The following ADCY2 variants were observed in gnomAD, a reference collection of about 807,000 sequenced individuals.
ADCY2 encodes the protein adenylate cyclase 2, also known as adenylate cyclase type 2.
In ADCY2, 31 loss-of-function variants were observed where a neutral mutation model predicts 125.2. The ratio of observed to expected loss-of-function variants is 0.25; its 90% confidence interval spans 0.19 to 0.33. The LOEUF (loss-of-function observed/expected upper bound fraction) is 0.33, where lower values mean the gene tolerates loss of function less well. Among genes scored for constraint, ADCY2 ranks in the 10% least tolerant of loss-of-function variants. The pLI, the probability that ADCY2 is intolerant of heterozygous loss-of-function variation, is 1.00. For synonymous variants in ADCY2, 512 were observed against 548.4 expected (o/e 0.93, Z 0.93); for missense variants, 904 against 1,418.2 (o/e 0.64, Z 5.82).
intron 4 of ADCY2, among the ~76,000 whole-genome samples, chr5:7,630,384 T>C (rs1738274803): frequency 6.6e-6 from 1 of 152,176 alleles, no homozygotes; most frequent in Non-Finnish European, 1.5e-5. Flanking sequence ...TTTTTCTAGA[T>C]TTGGGCTGCT....
chr5:7,398,855 T>G (rs922510149), intron 1 of ADCY2, among the ~76,000 whole-genome samples: 2 of 152,204 alleles, frequency 1.3e-5, no homozygotes, highest in Middle Eastern at 3.2e-3. Context: ...CCTGTTTCTA[T>G]TTTGATTTTA....
intron 2 of ADCY2, among the ~76,000 whole-genome samples, chr5:7,461,166 G>T (rs530042805): frequency 4.6e-5 from 7 of 152,268 alleles, no homozygotes; most frequent in African/African-American, 1.4e-4. Context: ...TTTTCAAAGA[G>T]ACTTCCAGGA....
intron 4 of ADCY2, among the ~76,000 whole-genome samples, chr5:7,636,091 G>A (rs1738493801): frequency 6.6e-6 from 1 of 152,182 alleles, no homozygotes; most frequent in Admixed American, 6.5e-5. Flanking sequence ...TACCAAGGCA[G>A]CCACTCTCCC....
intron 2 of ADCY2, among the ~76,000 whole-genome samples, chr5:7,495,252 G>A (rs1743305306): frequency 6.6e-6 from 1 of 152,182 alleles, no homozygotes; most frequent in African/African-American, 2.4e-5. Context: ...AATAAAAGGA[G>A]TTAAATTGGC....
In ADCY2 at chr5:7,755,169, C is replaced by A. The variant is rs142568798; in HGVS notation, c.1957-2280C>A. Among the ~76,000 whole-genome samples the A allele has an allele frequency of 1.5e-3, 229 of 152,304 alleles. 4 individuals carry two copies. The highest frequency in any genetic ancestry group is 5.2e-3 in the African/African-American group (217 of 41,580). Reference sequence around the variant, plus strand: ...CTGTTGCCGGTGATCAGATGTCCTGCAGAGCTGGGCCGAGGGCGCCCCCTG... The same window carrying A: ...CTGTTGCCGGTGATCAGATGTCCTGAAGAGCTGGGCCGAGGGCGCCCCCTG... On this transcript the variant is annotated intron_variant, in intron 15 of 24. Transcript: ENST00000338316.
chr5:7,642,483 C>T (rs1275148203), intron 4 of ADCY2, among the ~76,000 whole-genome samples: 5 of 152,164 alleles, frequency 3.3e-5, no homozygotes, highest in African/African-American at 7.2e-5. Flanking sequence ...TGTGTGTTTA[C>T]AATGTTATTA....
Position 7,442,113 on chromosome 5 carries a change from T to C in ADCY2, c.408+27343T>C, listed in dbSNP as rs565813620. On this transcript the variant is annotated intron_variant, in intron 2 of 24. Transcript: ENST00000338316. ...CTGTGACACAATCCAGTCTATACTC[T>C]GATTGCCCCAGTTGTCTCAAAAACG... 2.0e-5 allele frequency among the ~76,000 whole-genome samples: 3 copies of C among 152,308 alleles called. No homozygotes were observed. The East Asian group carries it at 5.8e-4, about 29-fold the overall frequency.
intron 2 of ADCY2, among the ~76,000 whole-genome samples, chr5:7,481,423 C>T (rs1742725932): frequency 6.6e-6 from 1 of 152,070 alleles, no homozygotes; most frequent in Admixed American, 6.6e-5. Flanking sequence ...CCTGCCACCA[C>T]GCCTGGCTAA....
At chr5:7,698,138 G>C in intron 6 of ADCY2, 109 bp from the exon 7 acceptor site, 1 of 1,370,440 alleles carries the variant, frequency 7.3e-7, no homozygotes, top group Non-Finnish European at 1.0e-6. Context: ...GCTCTCTCCA[G>C]ATGCCCCTGG....
At chr5:7,810,510 T>C (rs1023561499) in intron 22 of ADCY2, among the ~76,000 whole-genome samples, 4 of 152,098 alleles carry the variant, frequency 2.6e-5, no homozygotes, top group East Asian at 1.9e-4. Context: ...ATTTTCCTGA[T>C]TGATGGGTTA....
chr5:7,691,041 G>A, intron 5 of ADCY2: 1 of 482,004 alleles, frequency 2.1e-6, no homozygotes, highest in Admixed American at 4.4e-5. Flanking sequence ...AAAATAGGAT[G>A]CTGTTTGCTG....
intron 2 of ADCY2, among the ~76,000 whole-genome samples, chr5:7,483,777 C>T (rs1278616729): frequency 6.6e-6 from 1 of 152,160 alleles, no homozygotes; most frequent in African/African-American, 2.4e-5. Flanking sequence ...TATGAATGGC[C>T]TCCTATTTCA....
Position 7,827,061 on chromosome 5 carries a change from C to T in ADCY2, c.*190C>T. ...TGTGCCCAGATCGTTCTGCCACTTGCACTGTGCTTGCTCCTAAGCAAAAGG... is the reference window on the plus strand; with the variant it reads ...TGTGCCCAGATCGTTCTGCCACTTGTACTGTGCTTGCTCCTAAGCAAAAGG... On this transcript the variant is annotated 3_prime_UTR_variant, in exon 25 of 25. Transcript: ENST00000338316. The T allele has an allele frequency of 1.5e-6, 1 of 671,010 alleles. No individual in the cohort carries two copies. The highest frequency in any genetic ancestry group is 2.8e-5 in the East Asian group (1 of 35,398). The allele number at this position is 671,010 out of a possible 1,614,324, so 41.6% of individuals were successfully genotyped here.
At chr5:7,464,139 G>A (rs1296688892) in intron 2 of ADCY2, among the ~76,000 whole-genome samples, 1 of 152,160 alleles carries the variant, frequency 6.6e-6, no homozygotes, top group African/African-American at 2.4e-5. Flanking sequence ...TATTTTGTGT[G>A]TGTGTTGTCT....
At chr5:7,437,660 T>C (rs61488354) in intron 2 of ADCY2, among the ~76,000 whole-genome samples, 7,692 of 152,342 alleles carry the variant, frequency 0.05, 670 homozygotes, top group African/African-American at 0.18. Context: ...AGTCTTCCAG[T>C]GTCCCAGAGT....
intron 3 of ADCY2, among the ~76,000 whole-genome samples, chr5:7,614,572 T>TG (rs945504530): frequency 2.0e-5 from 3 of 152,146 alleles, no homozygotes; most frequent in African/African-American, 7.2e-5. Flanking sequence ...GTATTGAACT[T>TG]GGGGTGGGTG....
intron 3 of ADCY2, among the ~76,000 whole-genome samples, chr5:7,609,809 G>A (rs191415865): frequency 4.3e-4 from 65 of 152,330 alleles, no homozygotes; most frequent in Non-Finnish European, 4.4e-5. Flanking sequence ...AGCCGTCCTG[G>A]AGAATAGCAG....
chr5:7,570,458 T>C (rs1277765514), intron 3 of ADCY2, among the ~76,000 whole-genome samples: 2 of 152,116 alleles, frequency 1.3e-5, no homozygotes, highest in Non-Finnish European at 2.9e-5. Flanking sequence ...AGGTATTCCC[T>C]CTTAATTCAG....
At chr5:7,421,010 G>T (rs1579427431) in intron 2 of ADCY2, among the ~76,000 whole-genome samples, 1 of 152,154 alleles carries the variant, frequency 6.6e-6, no homozygotes, top group Non-Finnish European at 1.5e-5. Flanking sequence ...GTGGCAGAGT[G>T]TATCTCTCCC....
Sources: allele counts gnomAD v4.1 joint callset (sites outside exome capture counted in the v4.1 genomes callset), GRCh38; gene constraint gnomAD v4.1.1; transcripts MANE v1.5; gene names NCBI Gene and HGNC (gene_info 2026-07-23, HGNC 2026-07-21).